LGI2: variants seen among roughly 807,000 people sequenced by gnomAD.
The protein encoded by LGI2 is leucine rich repeat LGI family member 2.
In LGI2, 30 loss-of-function variants were observed where a neutral mutation model predicts 52.0. The ratio of observed to expected loss-of-function variants is 0.58; its 90% CI spans 0.43 to 0.78. The LOEUF (loss-of-function observed/expected upper bound fraction) is 0.78. Among genes scored for constraint, LGI2 ranks in the 30% least tolerant of loss-of-function variants. LGI2 has a pLI of 0.00. For missense variants in LGI2, 573 were observed against 692.5 expected (o/e 0.83, Z 1.94); for synonymous variants, 270 against 271.8 (o/e 0.99, Z 0.06).
At chr4:25,007,308 T>C (rs760431110) in intron 7 of LGI2, among the ~76,000 whole-genome samples, 1 of 152,234 alleles carries the variant, frequency 6.6e-6, no homozygotes, top group Non-Finnish European at 1.5e-5. Flanking sequence ...CTGGGGCAAA[T>C]GTTGTGCACA....
At position 25,024,243 on chromosome 4, in the gene LGI2, G is replaced by T. The variant is rs184632570; in HGVS notation, c.413+577C>A. On this transcript the variant is annotated intron_variant, in intron 4 of 7. Coordinates refer to ENST00000382114, the MANE Select transcript of LGI2 (RefSeq NM_018176.4). ...ATGATTTCCTTCCTGGCTGGGTGCG[G>T]TGGCTCACGCCTGTAATCCCAGCAC... Among the ~76,000 whole-genome samples the T allele has an allele frequency of 1.6e-4, 24 of 152,332 alleles. No homozygotes were observed. In the East Asian group the frequency reaches 3.5e-3, roughly 22 times the overall value.
In LGI2 at chr4:25,030,633, C is replaced by G; in HGVS notation, c.61G>C (p.Ala21Pro). 5 of 1,548,404 alleles carry G rather than the reference C, an allele frequency of 3.2e-6. No individual in the cohort carries two copies. The highest frequency in any genetic ancestry group is 4.4e-6 in the Non-Finnish European group (5 of 1,147,592). ...LGLLLLLLGAACLIPRSAQVR... is the reference protein window; with the variant it reads ...LGLLLLLLGAPCLIPRSAQVR... ...TGCGCGCTCCGCGGTATCAGGCACG[C>G]GGCGCCCAGCAGCAGCAGCAGCAGC... The change falls in exon 1 of 8, where the codon GCG (alanine) becomes CCG (proline). Residue 21 changes from alanine (A) to proline (P), a missense_variant. Coordinates refer to ENST00000382114, the MANE Select transcript of LGI2 (RefSeq NM_018176.4).
chr4:25,017,021 G>A (rs1007103168), intron 6 of LGI2, among the ~76,000 whole-genome samples: 7 of 152,148 alleles, frequency 4.6e-5, no homozygotes, highest in Non-Finnish European at 8.8e-5. Flanking sequence ...TGACAGTGGA[G>A]GCAGTTAGTA....
intron 6 of LGI2, 139 bp downstream of exon 6, chr4:25,017,850 T>C: frequency 2.6e-6 from 2 of 770,574 alleles, no homozygotes; most frequent in South Asian, 4.7e-5. Context: ...TTCATTTCTT[T>C]AGAATGTTTA....
intron 2 of LGI2, among the ~76,000 whole-genome samples, chr4:25,028,009 T>C (rs1034133549): frequency 1.3e-5 from 2 of 152,186 alleles, no homozygotes; most frequent in Non-Finnish European, 1.5e-5. Flanking sequence ...AGTTTCCTTA[T>C]CTATCAAATG....
chr4:25,011,796 A>C (rs1188898853), intron 7 of LGI2, among the ~76,000 whole-genome samples: 2 of 152,204 alleles, frequency 1.3e-5, no homozygotes, highest in Non-Finnish European at 2.9e-5. Flanking sequence ...CACTGAAAGA[A>C]GCGTTAACTA....
intron 1 of LGI2, 23 bp downstream of exon 1, chr4:25,030,474 G>C: frequency 1.3e-6 from 2 of 1,567,290 alleles, no homozygotes; most frequent in Non-Finnish European, 8.6e-7. Context: ...GGACGGGATG[G>C]GGGCTGGAGG....
rs1725867745 is a variant in LGI2, at chr4:25,019,168, G to C, written c.484C>G (p.Leu162Val). Residue 162 changes from leucine (L) to valine (V), a missense_variant and splice_region_variant, in exon 5 of 8, where the codon CTA becomes GTA. Transcript: ENST00000382114. ...CATAAACTAAATTTCATTACTTACA[G>C]TTCAATCAGAGAGTCTAAATCACTG... ...VFSDLDSLIE[L>V]DLRGNKFECD... The C allele has an allele frequency of 6.3e-7, 1 of 1,585,404 alleles. No homozygotes were observed. The highest frequency in any genetic ancestry group is 8.6e-7 in the Non-Finnish European group (1 of 1,156,356).
At chr4:25,026,344 C>CA (rs5856879) in intron 3 of LGI2, among the ~76,000 whole-genome samples, 24,737 of 150,822 alleles carry the variant, frequency 0.16, 3,236 homozygotes, top group East Asian at 0.62. Context: ...ATCTGCACAT[C>CA]AAAAAAGGGA....
intron 7 of LGI2, among the ~76,000 whole-genome samples, chr4:25,008,890 C>T (rs1382185506): frequency 6.6e-6 from 1 of 152,216 alleles, no homozygotes; most frequent in Non-Finnish European, 1.5e-5. Flanking sequence ...CAGCAGGGCT[C>T]TGGCCCCAGC....
In LGI2 at chr4:25,002,248, G is replaced by A. The variant is rs1467537689; in HGVS notation, c.*1203C>T. 2.0e-5 allele frequency: 3 copies of A among 152,182 alleles called. No homozygotes were observed. Among genetic ancestry groups the A allele is most frequent in the African/African-American group, 7.2e-5 (3 of 41,400 alleles). 9.4% of individuals were successfully genotyped at this position (152,182 alleles called of 1,614,324 possible). A position where few individuals can be genotyped will look rare whatever the true frequency, so the allele number is the denominator to read the frequency against. On this transcript the variant is annotated 3_prime_UTR_variant, in exon 8 of 8. Coordinates refer to ENST00000382114, the MANE Select transcript of LGI2 (RefSeq NM_018176.4). The stretch of plus-strand genomic sequence containing the variant: ...CGTGGCCCCATGTGGGTCCTGGCGG[G>A]GGTTCCTTTGGTAAAGTACTGGGAG...
intron 7 of LGI2, among the ~76,000 whole-genome samples, chr4:25,005,449 T>C (rs896170173): frequency 4.6e-5 from 7 of 152,290 alleles, no homozygotes; most frequent in Middle Eastern, 3.4e-3. Flanking sequence ...ATCATGTTTT[T>C]AAATAAAGCT....
intron 6 of LGI2, among the ~76,000 whole-genome samples, chr4:25,014,594 G>T (rs1413817516): frequency 6.6e-6 from 1 of 151,788 alleles, no homozygotes; most frequent in Non-Finnish European, 1.5e-5. Context: ...CAGCTTGGGA[G>T]GCCAAGGCAG....
At chr4:25,028,714 G>T (rs1280945466) in intron 1 of LGI2, 136 bp from the exon 2 acceptor site, 2 of 696,084 alleles carry the variant, frequency 2.9e-6, no homozygotes, top group East Asian at 5.5e-5. Context: ...AGTTGCCCAG[G>T]ATCTTCCCCG....
chr4:25,008,811 C>T (rs944300663), intron 7 of LGI2, among the ~76,000 whole-genome samples: 4 of 152,150 alleles, frequency 2.6e-5, no homozygotes, highest in Non-Finnish European at 4.4e-5. Flanking sequence ...CATGTCATGC[C>T]GCCAAGCTGT....
intron 7 of LGI2, among the ~76,000 whole-genome samples, chr4:25,009,166 G>A (rs539198983): frequency 1.3e-5 from 2 of 152,304 alleles, no homozygotes; most frequent in South Asian, 2.1e-4. Flanking sequence ...GAAAAGCCAA[G>A]TCCTTCCTAG....
intron 6 of LGI2, among the ~76,000 whole-genome samples, chr4:25,013,830 T>C (rs2094506603): frequency 6.6e-6 from 1 of 152,032 alleles, no homozygotes; most frequent in Non-Finnish European, 1.5e-5. Flanking sequence ...ACCAAAATAA[T>C]AGTTGCTTGG....
In LGI2 at chr4:24,999,557, A is replaced by AGCT. The variant is rs1376213650; in HGVS notation, c.*3891_*3893dup. 8 of 237,498 alleles carry AGCT rather than the reference A, an allele frequency of 3.4e-5. No individual in the cohort carries two copies. The highest frequency in any genetic ancestry group is 6.7e-5 in the Non-Finnish European group (8 of 119,622). 14.7% of individuals were successfully genotyped at this position (237,498 alleles called of 1,614,324 possible). A position where few individuals can be genotyped will look rare whatever the true frequency, so the allele number is the denominator to read the frequency against. On this transcript the variant is annotated 3_prime_UTR_variant, in exon 8 of 8. Coordinates refer to ENST00000382114, the MANE Select transcript of LGI2 (RefSeq NM_018176.4). ...GCCTAATTAAAGAACTTCCTTCCGCAGCTGCGAAGGAGAGGCTGATACCTC... is the reference window on the plus strand; with the variant it reads ...GCCTAATTAAAGAACTTCCTTCCGCAGCTGCTGCGAAGGAGAGGCTGATACCTC...
In LGI2 at chr4:25,004,101, C is replaced by A; in HGVS notation, c.988G>T (p.Glu330Ter). The change falls in exon 8 of 8, where the codon GAG becomes TAG. Residue 330 changes from glutamate (E) to a stop codon, truncating the protein, a stop_gained. Coordinates refer to ENST00000382114, the MANE Select transcript of LGI2 (RefSeq NM_018176.4). LOFTEE classifies it high-confidence loss of function. The surrounding 1 kb of genome is among the most constrained non-coding windows in gnomAD (Gnocchi z 4.6). Reference sequence around the variant, plus strand: ...GTCTCGTCGTCGATCTGAAACAGCTCGATGTCATTGGGCTTGGAAATGCGA... The same window carrying A: ...GTCTCGTCGTCGATCTGAAACAGCTAGATGTCATTGGGCTTGGAAATGCGA... ...VSRISKPNDI[E>*]LFQIDDETFF... is the part of the protein sequence containing the mutation. The A allele has an allele frequency of 6.2e-7, 1 of 1,614,102 alleles. No individual in the cohort carries two copies. The highest frequency in any genetic ancestry group is 1.1e-5 in the South Asian group (1 of 91,064).
Sources: gnomAD v4.1 joint callset for allele counts (sites outside exome capture counted in the v4.1 genomes callset) on GRCh38, gnomAD v4.1.1 for gene constraint, Gnocchi (gnomAD v3.1) non-coding constraint, MANE v1.5 for transcripts, NCBI Gene and HGNC (gene_info 2026-07-23, HGNC 2026-07-21) for gene names.